OR1J2: variants seen among roughly 807,000 people sequenced by gnomAD.
OR1J2 encodes olfactory receptor family 1 subfamily J member 2, also known as olfactory receptor 1J2.
For missense variants in OR1J2, 304 were observed against 246.1 expected, an observed-to-expected ratio of 1.24 and a Z score of -1.57; for synonymous variants, 142 against 99.7, an observed-to-expected ratio of 1.42 and a Z score of -2.52.
At chr9:122,526,311 C>G in the OR1J2 span, 1 of 1,231,034 alleles carries the variant, frequency 8.1e-7, no homozygotes, top group Non-Finnish European at 1.1e-6. Flanking sequence ...GCCCGTTTGT[C>G]TGACTCCAAG....
At chr9:122,509,586 A>C (rs558183837), upstream of OR1J2, among the ~76,000 whole-genome samples, 1 of 152,342 alleles carries the variant, frequency 6.6e-6, no homozygotes, top group South Asian at 2.1e-4. Flanking sequence ...AGAAATCCAC[A>C]ACCACCAAGG....
the OR1J2 span, among the ~76,000 whole-genome samples, chr9:122,531,357 A>AAACAG: frequency 3.3e-5 from 5 of 152,306 alleles, no homozygotes; most frequent in South Asian, 1.0e-3. Flanking sequence ...TGGTTTGGAG[A>AAACAG]AACAGTGTAA....
the OR1J2 span, among the ~76,000 whole-genome samples, chr9:122,531,081 G>A: frequency 6.6e-6 from 1 of 152,086 alleles, no homozygotes; most frequent in East Asian, 1.9e-4. Context: ...AATTTTTTGG[G>A]GGTGGTATGG....
the OR1J2 span, among the ~76,000 whole-genome samples, chr9:122,467,232 T>C: frequency 6.6e-6 from 1 of 152,176 alleles, no homozygotes; most frequent in Admixed American, 6.5e-5. Flanking sequence ...AGATTACAAA[T>C]GGTGAGTTTC....
chr9:122,481,894 A>C, the OR1J2 span, among the ~76,000 whole-genome samples: 9 of 152,200 alleles, frequency 5.9e-5, no homozygotes, highest in African/African-American at 2.2e-4. Flanking sequence ...TATAAGATCC[A>C]AAACAGTAAA....
the OR1J2 span, among the ~76,000 whole-genome samples, chr9:122,524,424 A>G: frequency 1.3e-5 from 2 of 152,220 alleles, no homozygotes; most frequent in South Asian, 2.1e-4. Flanking sequence ...GAATACATTG[A>G]TAACTCTTGG....
At chr9:122,569,893 T>C in the OR1J2 span, among the ~76,000 whole-genome samples, 3 of 148,168 alleles carry the variant, frequency 2.0e-5, no homozygotes, top group Non-Finnish European at 3.0e-5. Context: ...TGTGTTCTCA[T>C]TGTTCAATTC....
At chr9:122,501,418 A>G in the OR1J2 span, among the ~76,000 whole-genome samples, 1 of 152,136 alleles carries the variant, frequency 6.6e-6, no homozygotes, top group Non-Finnish European at 1.5e-5. Context: ...CTCACATAGG[A>G]CCCTGAGAAT....
chr9:122,519,210 C>T, the OR1J2 span: 2 of 1,614,112 alleles, frequency 1.2e-6, no homozygotes, highest in Admixed American at 3.3e-5. Context: ...GCCAGAGCAG[C>T]AGGCTGTGTT....
chr9:122,517,212 G>A, the OR1J2 span, among the ~76,000 whole-genome samples: 8 of 152,246 alleles, frequency 5.3e-5, no homozygotes, highest in African/African-American at 1.9e-4. Context: ...TGAATCTAGG[G>A]CTAATTGCAA....
the OR1J2 span, among the ~76,000 whole-genome samples, chr9:122,554,803 C>T: frequency 7.7e-5 from 8 of 103,350 alleles, no homozygotes; most frequent in Non-Finnish European, 1.5e-4. Flanking sequence ...TAAAAGCACT[C>T]TTCTGTTGTA....
the OR1J2 span, chr9:122,554,274 C>T: frequency 2.7e-6 from 2 of 753,424 alleles, no homozygotes; most frequent in East Asian, 2.7e-5. Context: ...TCCGTTGACT[C>T]TGAGTTAGGG....
chr9:122,577,401 T>A, the OR1J2 span, among the ~76,000 whole-genome samples: 1 of 152,130 alleles, frequency 6.6e-6, no homozygotes, highest in South Asian at 2.1e-4. Context: ...GACCTCCACA[T>A]ACAAAAATCG....
the OR1J2 span, among the ~76,000 whole-genome samples, chr9:122,528,351 C>G: frequency 6.6e-6 from 1 of 152,170 alleles, no homozygotes; most frequent in Non-Finnish European, 1.5e-5. Context: ...AATCCCAGCA[C>G]TTTGGGAGAC....
chr9:122,554,292 A>T, the OR1J2 span: 1 of 657,440 alleles, frequency 1.5e-6, no homozygotes, highest in South Asian at 2.1e-5. Flanking sequence ...GGGATGTAAA[A>T]AAAAAAAAAA....
the OR1J2 span, among the ~76,000 whole-genome samples, chr9:122,570,794 T>C: frequency 6.6e-6 from 1 of 151,924 alleles, no homozygotes; most frequent in African/African-American, 2.4e-5. Flanking sequence ...ATTGAGTGAA[T>C]CAGTAATTAA....
chr9:122,553,650 ATGCTGGGTGTG>A, the OR1J2 span: 1 of 1,614,040 alleles, frequency 6.2e-7, no homozygotes, highest in Non-Finnish European at 8.5e-7. Context: ...CTGTGCACTA[ATGCTGGGTGTG>A]TGCTGGGTGC....
the OR1J2 span, among the ~76,000 whole-genome samples, chr9:122,534,762 G>A: frequency 6.6e-6 from 1 of 152,154 alleles, no homozygotes; most frequent in African/African-American, 2.4e-5. Flanking sequence ...GGGAAAGAAG[G>A]AAGATTTCGG....
chr9:122,477,184 A>G, the OR1J2 span: 1 of 1,614,186 alleles, frequency 6.2e-7, no homozygotes, highest in Non-Finnish European at 8.5e-7. Context: ...ATAGATAGTC[A>G]CCACTGAGAG....
Sources: gnomAD v4.1 joint callset for allele counts (sites outside exome capture counted in the v4.1 genomes callset) on GRCh38, gnomAD v4.1.1 for gene constraint, MANE v1.5 for transcripts, NCBI Gene and HGNC (gene_info 2026-07-23, HGNC 2026-07-21) for gene names.